The following TGFBR3 variants were observed in gnomAD, a reference collection of about 807,000 sequenced individuals.
TGFBR3 encodes the protein transforming growth factor beta receptor 3.
Under a neutral mutation model 87.9 loss-of-function variants are expected in TGFBR3, and 46 were observed. That is an observed-to-expected ratio of 0.52 (90% CI 0.41 to 0.67). TGFBR3 has a LOEUF of 0.67. Among genes scored for constraint, TGFBR3 ranks in the 30% least tolerant of loss-of-function variants. The probability of loss-of-function intolerance (pLI) is 0.00; values close to 1 mark genes in which losing one functional copy is unlikely to be tolerated. For missense variants in TGFBR3, 866 were observed against 1,041.9 expected (o/e 0.83, Z 2.32); for synonymous variants, 381 against 391.6 (o/e 0.97, Z 0.32).
At chr1:91,794,958 G>A (rs1033524236) in intron 3 of TGFBR3, among the ~76,000 whole-genome samples, 7 of 152,160 alleles carry the variant, frequency 4.6e-5, no homozygotes, top group Non-Finnish European at 8.8e-5. Flanking sequence ...GCATAGCTGC[G>A]GGAATGTTCT....
At chr1:91,818,505 C>G (rs1676330387) in intron 2 of TGFBR3, among the ~76,000 whole-genome samples, 1 of 152,140 alleles carries the variant, frequency 6.6e-6, no homozygotes, top group South Asian at 2.1e-4. Flanking sequence ...ACTTTATACA[C>G]TACTCATAGA....
chr1:91,841,096 C>T (rs1012180953), intron 2 of TGFBR3, among the ~76,000 whole-genome samples: 7 of 152,246 alleles, frequency 4.6e-5, no homozygotes, highest in African/African-American at 1.4e-4. Flanking sequence ...CAGGTGTGAG[C>T]CCCCGCGCCC....
At chr1:91,783,440 G>A (rs187464376) in intron 3 of TGFBR3, among the ~76,000 whole-genome samples, 6 of 152,296 alleles carry the variant, frequency 3.9e-5, no homozygotes, top group East Asian at 1.9e-4. Flanking sequence ...GTGCCCCGGC[G>A]GGCTGGACAG....
chr1:91,708,561 T>C, intron 14 of TGFBR3, 102 bp downstream of exon 14: 5 of 1,582,474 alleles, frequency 3.2e-6, no homozygotes, highest in Non-Finnish European at 4.3e-6. Context: ...ACTGGCCCTT[T>C]AGTTATCTTG....
At chr1:91,719,546 G>T in intron 9 of TGFBR3, 82 bp from the exon 10 acceptor site, 1 of 1,547,922 alleles carries the variant, frequency 6.5e-7, no homozygotes, top group Non-Finnish European at 8.9e-7. Context: ...CAATTGCCTG[G>T]TCTTCCAAGG....
At chr1:91,783,704 T>C (rs1674855505) in intron 3 of TGFBR3, among the ~76,000 whole-genome samples, 1 of 152,130 alleles carries the variant, frequency 6.6e-6, no homozygotes, top group South Asian at 2.1e-4. Context: ...TACAAAGACT[T>C]GAGTCCAGAG....
chr1:91,868,598 G>A (rs1678466713), intron 1 of TGFBR3, among the ~76,000 whole-genome samples: 1 of 152,138 alleles, frequency 6.6e-6, no homozygotes, highest in Non-Finnish European at 1.5e-5. Context: ...GGGGGCTGTG[G>A]AACTTGGTCT....
At chr1:91,780,043 C>T (rs999689755) in intron 3 of TGFBR3, among the ~76,000 whole-genome samples, 1 of 152,132 alleles carries the variant, frequency 6.6e-6, no homozygotes, top group African/African-American at 2.4e-5. Flanking sequence ...GTCATCAAAT[C>T]CCTGTCTTAT....
intron 4 of TGFBR3, among the ~76,000 whole-genome samples, chr1:91,735,773 A>G (rs1272318452): frequency 2.6e-5 from 4 of 152,192 alleles, no homozygotes; most frequent in African/African-American, 7.2e-5. Context: ...CTATAATCAA[A>G]TTTAGTTGCT....
chr1:91,856,445 T>G (rs1407591018), intron 2 of TGFBR3, among the ~76,000 whole-genome samples: 1 of 147,842 alleles, frequency 6.8e-6, no homozygotes, highest in Admixed American at 6.7e-5. Flanking sequence ...ACTGCCTTCA[T>G]TCACTCTCTA....
In TGFBR3 at chr1:91,878,280, A is replaced by G. The variant is rs1197415669; in HGVS notation, c.-114+7598T>C. 2.3e-5 allele frequency among the ~76,000 whole-genome samples: 3 copies of G among 129,806 alleles called. No individual in the cohort carries two copies. In the Admixed American group the frequency reaches 2.3e-4, roughly 10 times the overall value. 85.2% of individuals were successfully genotyped at this position (129,806 alleles called of 152,430 possible). On this transcript the variant is annotated intron_variant, in intron 1 of 16. Transcript: ENST00000212355. The stretch of plus-strand genomic sequence containing the variant: ...CCTCAAATAACCTTCCAGAATGAAA[A>G]GAAAAAAAAAAAAAACACACATTCT...
intron 14 of TGFBR3, among the ~76,000 whole-genome samples, chr1:91,699,973 T>C (rs1185310028): frequency 1.3e-5 from 2 of 152,250 alleles, no homozygotes; most frequent in South Asian, 2.1e-4. Flanking sequence ...TTGAAATGAT[T>C]TTTTAAAAAT....
Position 91,872,955 on chromosome 1 carries a change from C to CT in TGFBR3, c.-113-11312dup, listed in dbSNP as rs35934207. On this transcript the variant is annotated intron_variant, in intron 1 of 16. Transcript: ENST00000212355. ...CCTTCCCCGAGATTGATGGTTTTCC[C>CT]TTTTTTTGACGGGGTGGTGGGAGGG... is the stretch of plus-strand genomic sequence containing the variant. Among the ~76,000 whole-genome samples, 1,459 of 147,982 alleles carry CT rather than the reference C, an allele frequency of 9.9e-3. 25 individuals are homozygous for CT. Among genetic ancestry groups the CT allele is most frequent in the African/African-American group, 0.035 (1,412 of 40,120 alleles).
intron 14 of TGFBR3, among the ~76,000 whole-genome samples, chr1:91,706,508 T>TA (rs1671805853): frequency 6.6e-6 from 1 of 152,202 alleles, no homozygotes; most frequent in Non-Finnish European, 1.5e-5. Flanking sequence ...GGTTACCCTA[T>TA]ATGGTCTAAA....
intron 14 of TGFBR3, among the ~76,000 whole-genome samples, chr1:91,704,732 G>A (rs147288483): frequency 2.6e-5 from 4 of 152,248 alleles, no homozygotes; most frequent in African/African-American, 7.2e-5. Flanking sequence ...GTAAAAGAAC[G>A]CTAACCCAAC....
At position 91,874,623 on chromosome 1, in the gene TGFBR3, G is replaced by A. The variant is rs182450500; in HGVS notation, c.-114+11255C>T. Among the ~76,000 whole-genome samples, 84 of 151,832 alleles carry A rather than the reference G, an allele frequency of 5.5e-4. 1 individual carries two copies. Among genetic ancestry groups the A allele is most frequent in the African/African-American group, 1.9e-3 (79 of 41,402 alleles). ...AGCGATTCTCCTGCCTTAGCCTCCCGAGTAGCTGGGATTACAGGCGCCCAC... is the reference window on the plus strand; with the variant it reads ...AGCGATTCTCCTGCCTTAGCCTCCCAAGTAGCTGGGATTACAGGCGCCCAC... On this transcript the variant is annotated intron_variant, in intron 1 of 16. Coordinates refer to ENST00000212355, the MANE Select transcript of TGFBR3 (RefSeq NM_003243.5).
chr1:91,758,205 G>C (rs1455035416), intron 4 of TGFBR3, among the ~76,000 whole-genome samples: 2 of 152,050 alleles, frequency 1.3e-5, no homozygotes, highest in Non-Finnish European at 2.9e-5. Context: ...TCAGGAATTA[G>C]GCCTGTGTTA....
chr1:91,797,591 C>A, intron 2 of TGFBR3, 120 bp from the exon 3 acceptor site: 2 of 1,104,610 alleles, frequency 1.8e-6, no homozygotes, highest in Non-Finnish European at 2.7e-6. Flanking sequence ...TAAACTGTTC[C>A]AAGACTAAGT....
chr1:91,772,125 G>C (rs1674401744), intron 3 of TGFBR3, among the ~76,000 whole-genome samples: 1 of 152,200 alleles, frequency 6.6e-6, no homozygotes, highest in African/African-American at 2.4e-5. Flanking sequence ...TGAAAGCCAA[G>C]CTTAACCAGT....
Sources: allele counts gnomAD v4.1 joint callset (sites outside exome capture counted in the v4.1 genomes callset), GRCh38; gene constraint gnomAD v4.1.1; transcripts MANE v1.5; gene names NCBI Gene and HGNC (gene_info 2026-07-23, HGNC 2026-07-21).